Variants in AHI1 observed in about 807,000 individuals in gnomAD.
AHI1 encodes the protein Abelson helper integration site 1, also known as jouberin.
AHI1 carries 123 observed loss-of-function variants against 149.3 expected under a neutral mutation model. The ratio of observed to expected loss-of-function variants is 0.82; its 90% CI spans 0.71 to 0.96. The LOEUF is 0.96. AHI1 is among the 40% of genes least tolerant of loss of function. AHI1 has a pLI of 0.00. For synonymous variants in AHI1, 475 were observed against 459.8 expected (o/e 1.03, Z -0.42); for missense variants, 1,439 against 1,422.7 (o/e 1.01, Z -0.18).
intron 4 of AHI1, 65 bp downstream of exon 4, chr6:135,492,163 A>G (rs1562297223): frequency 7.7e-7 from 1 of 1,296,410 alleles, no homozygotes; most frequent in African/African-American, 1.5e-5. Context: ...CCCTTAAAAT[A>G]AACCAAACTT....
intron 23 of AHI1, among the ~76,000 whole-genome samples, chr6:135,386,269 T>TTTC (rs1455000692): frequency 6.6e-6 from 1 of 152,054 alleles, no homozygotes; most frequent in Non-Finnish European, 1.5e-5. Flanking sequence ...AAAAGCACCT[T>TTTC]TTCTTCCATT....
intron 27 of AHI1, among the ~76,000 whole-genome samples, chr6:135,292,282 G>C (rs1782460730): frequency 1.3e-5 from 2 of 152,052 alleles, no homozygotes; most frequent in Admixed American, 1.3e-4. Context: ...CTTAAATTCT[G>C]TCTTCATCTT....
chr6:135,315,319 T>C (rs1452100107), intron 26 of AHI1, among the ~76,000 whole-genome samples: 1 of 152,220 alleles, frequency 6.6e-6, no homozygotes, highest in African/African-American at 2.4e-5. Context: ...AAAGAGTTTA[T>C]GGCCTTGAAC....
intron 13 of AHI1, among the ~76,000 whole-genome samples, chr6:135,445,313 C>A (rs567553082): frequency 1.7e-4 from 26 of 152,286 alleles, no homozygotes; most frequent in African/African-American, 5.5e-4. Flanking sequence ...TAAACCACTT[C>A]ATTCTTTATA....
intron 23 of AHI1, among the ~76,000 whole-genome samples, chr6:135,380,697 T>C (rs1049504568): frequency 2.0e-5 from 3 of 148,912 alleles, no homozygotes; most frequent in Admixed American, 6.7e-5. Context: ...AGTACCTGCA[T>C]GTGTACAAAT....
intron 23 of AHI1, among the ~76,000 whole-genome samples, chr6:135,373,701 A>G (rs970325002): frequency 6.6e-6 from 1 of 152,220 alleles, no homozygotes; most frequent in Admixed American, 6.5e-5. Context: ...GATCAAAGAA[A>G]GAAGAACAAA....
chr6:135,447,688 T>A (rs1378356753), intron 12 of AHI1, among the ~76,000 whole-genome samples: 1 of 152,200 alleles, frequency 6.6e-6, no homozygotes, highest in Non-Finnish European at 1.5e-5. Flanking sequence ...AAAACTTTTT[T>A]ATTTTAGGGC....
intron 28 of AHI1, among the ~76,000 whole-genome samples, chr6:135,290,213 C>G (rs73557663): frequency 4.6e-5 from 7 of 151,946 alleles, no homozygotes; most frequent in Non-Finnish European, 1.5e-5. Flanking sequence ...TCCCTTTGGG[C>G]TGGAGACAAT....
Position 135,442,677 on chromosome 6 carries a change from T to C in AHI1, c.1817A>G (p.Asn606Ser). Residue 606 changes from asparagine to serine, a missense_variant, in exon 14 of 29, where the codon AAT (asparagine) becomes AGT (serine). Coordinates refer to ENST00000265602, the MANE Select transcript of AHI1 (RefSeq NM_001134831.2). ...RIPNKHLFSLNAGERGCFCLD... is the reference protein window; with the variant it reads ...RIPNKHLFSLSAGERGCFCLD... ...ACAAAAACATCCTCGTTCTCCTGCA[T>C]TTAGTGAGAAGAGGTGTTTGTTTGG... The C allele has an allele frequency of 6.2e-7, 1 of 1,611,518 alleles. No homozygotes were observed. The highest frequency in any genetic ancestry group is 8.5e-7 in the Non-Finnish European group (1 of 1,178,654).
At chr6:135,464,746 C>A (rs188397956) in intron 7 of AHI1, among the ~76,000 whole-genome samples, 1 of 152,292 alleles carries the variant, frequency 6.6e-6, no homozygotes, top group East Asian at 1.9e-4. Context: ...CCAACAACCA[C>A]ATGAATGAGC....
chr6:135,328,697 T>G (rs1388870543), intron 24 of AHI1, among the ~76,000 whole-genome samples: 2 of 151,874 alleles, frequency 1.3e-5, no homozygotes, highest in Non-Finnish European at 2.9e-5. Context: ...ATGAAAAGAG[T>G]TGCAAGTCCT....
intron 14 of AHI1, among the ~76,000 whole-genome samples, chr6:135,439,656 G>A (rs1238422845): frequency 6.6e-6 from 1 of 152,186 alleles, no homozygotes; most frequent in Non-Finnish European, 1.5e-5. Context: ...AGAGGTTTGT[G>A]CTAGTTTTGC....
intron 26 of AHI1, among the ~76,000 whole-genome samples, chr6:135,304,188 G>C (rs1784258662): frequency 6.6e-6 from 1 of 152,066 alleles, no homozygotes; most frequent in Non-Finnish European, 1.5e-5. Context: ...TTGAGTAGCT[G>C]GGACTACAGG....
chr6:135,391,329 C>G (rs1778451578), intron 23 of AHI1, among the ~76,000 whole-genome samples: 1 of 152,094 alleles, frequency 6.6e-6, no homozygotes. Context: ...GACTTGGGGG[C>G]AGGGGATGAG....
At position 135,438,289 on chromosome 6, in the gene AHI1, A is replaced by G. The variant is rs996618345; in HGVS notation, c.2036+86T>C. ...CTTCTTGGGAAAATACGACTGGAGC[A>G]TAAGAGTAGTTACATCAGTTTATAT... On this transcript the variant is annotated intron_variant, in intron 15 of 28. Coordinates refer to ENST00000265602, the MANE Select transcript of AHI1 (RefSeq NM_001134831.2). 7.2e-6 allele frequency: 9 copies of G among 1,250,748 alleles called. No homozygotes were observed. In the African/African-American group the frequency reaches 1.1e-4, roughly 15 times the overall value. The allele number at this position is 1,250,748 out of a possible 1,614,324, so 77.5% of individuals were successfully genotyped here. A position where few individuals can be genotyped will look rare whatever the true frequency, so the allele number is the denominator to read the frequency against.
At chr6:135,393,221 C>T (rs1002679716) in intron 23 of AHI1, among the ~76,000 whole-genome samples, 3 of 151,986 alleles carry the variant, frequency 2.0e-5, no homozygotes, top group Non-Finnish European at 4.4e-5. Flanking sequence ...AATCCTTCTT[C>T]CCATTTCAAA....
intron 23 of AHI1, 97 bp downstream of exon 23, chr6:135,394,679 C>A: frequency 6.7e-7 from 1 of 1,499,588 alleles, no homozygotes; most frequent in Non-Finnish European, 9.1e-7. Context: ...AAAAACCGAC[C>A]ATTATGAGCT....
chr6:135,380,288 C>T (rs1352681253), intron 23 of AHI1, among the ~76,000 whole-genome samples: 1 of 151,962 alleles, frequency 6.6e-6, no homozygotes, highest in African/African-American at 2.4e-5. Flanking sequence ...GTAATGAACA[C>T]ATAGACTTTT....
chr6:135,454,052 G>C (rs1788540290), intron 10 of AHI1, among the ~76,000 whole-genome samples: 1 of 152,120 alleles, frequency 6.6e-6, no homozygotes, highest in South Asian at 2.1e-4. Flanking sequence ...ATAGAAAGAA[G>C]ACTGCTTAAG....
Sources: gnomAD v4.1 joint callset for allele counts (sites outside exome capture counted in the v4.1 genomes callset) on GRCh38, gnomAD v4.1.1 for gene constraint, MANE v1.5 for transcripts, NCBI Gene and HGNC (gene_info 2026-07-23, HGNC 2026-07-21) for gene names.